Variants in TAF6 observed in about 807,000 individuals in gnomAD.
The protein encoded by TAF6 is TATA-box binding protein associated factor 6, also known as transcription initiation factor TFIID subunit 6.
TAF6 carries 50 observed loss-of-function variants against 73.5 expected under a neutral mutation model. That is an observed-to-expected ratio of 0.68 (90% CI 0.54 to 0.86). The LOEUF (loss-of-function observed/expected upper bound fraction) is 0.86. Among genes scored for constraint, TAF6 ranks in the 40% least tolerant of loss-of-function variants. The pLI is 0.00. For missense variants in TAF6, 768 were observed against 899.5 expected (o/e 0.85, Z 1.87); for synonymous variants, 424 against 376.7 (o/e 1.13, Z -1.45).
intron 13 of TAF6, 72 bp from the exon 14 acceptor site, chr7:100,108,195 G>GCTC: frequency 6.7e-7 from 1 of 1,483,402 alleles, no homozygotes; most frequent in Admixed American, 2.1e-5. Context: ...AGAGGCCTGG[G>GCTC]CTCCCCTCGC....
At position 100,113,926 on chromosome 7, in the gene TAF6, T is replaced by C. The variant is rs764380310; in HGVS notation, c.185A>G (p.Lys62Arg). ...QDALKFMHMG[K>R]RQKLTTSDID... ...GTCACTGGTGGTGAGCTTCTGCCGCTTCCCCATGTGCATGAACTTCAAGGC... is the reference window on the plus strand; with the variant it reads ...GTCACTGGTGGTGAGCTTCTGCCGCCTCCCCATGTGCATGAACTTCAAGGC... Residue 62 changes from lysine to arginine, a missense_variant, in exon 3 of 15, where the codon AAG (lysine) becomes AGG (arginine). Around this residue, in one of 5 missense-constraint regions of TAF6, gnomAD observed 269 missense variants for 268.0 expected, o/e 1.00. Coordinates refer to ENST00000453269, the MANE Select transcript of TAF6 (RefSeq NM_139315.3). 6.2e-7 allele frequency: 1 copy of C among 1,614,002 alleles called. No homozygotes were observed. Among genetic ancestry groups the C allele is most frequent in the Non-Finnish European group, 8.5e-7 (1 of 1,180,022 alleles).
intron 12 of TAF6, 113 bp from the exon 13 acceptor site, chr7:100,108,653 T>G: frequency 5.0e-6 from 6 of 1,204,596 alleles, no homozygotes; most frequent in African/African-American, 1.5e-5. Context: ...AAAAAGGACA[T>G]TCCTTATCAT....
intron 1 of TAF6, chr7:100,115,084 CT>C (rs1797564637): frequency 6.6e-6 from 1 of 152,210 alleles, no homozygotes; most frequent in African/African-American, 2.4e-5. Flanking sequence ...TGGTCTTGAA[CT>C]GCTGGGCTCA....
intron 1 of TAF6, chr7:100,118,823 C>T: frequency 1.0e-6 from 1 of 983,912 alleles, no homozygotes; most frequent in Non-Finnish European, 1.2e-6. Context: ...CATCCCTGAT[C>T]TCCTCCCCGA....
upstream of TAF6, chr7:100,119,663 A>G (rs571625827): frequency 6.2e-6 from 10 of 1,611,536 alleles, no homozygotes; most frequent in African/African-American, 2.7e-5. Flanking sequence ...GGTTGCCGCT[A>G]GCCGCCTGGG....
chr7:100,107,982 G>T lies in TAF6; in HGVS notation c.1600C>A (p.Pro534Thr), dbSNP rs148566323. The T allele has an allele frequency of 6.2e-7, 1 of 1,614,062 alleles. No homozygotes were observed. Among genetic ancestry groups the T allele is most frequent in the Admixed American group, 1.7e-5 (1 of 60,020 alleles). The change falls in exon 14 of 15, where the codon CCT becomes ACT. Residue 534 changes from proline (P) to threonine (T), a missense_variant. Transcript: ENST00000453269. ...RAAAPPQPSP[P>T]PTKFIVMSSS... ...GACATTACAATAAACTTGGTTGGAG[G>T]AGGGGAAGGCTGTGGTGGGGCAGCC...
chr7:100,127,136 A>T, the TAF6 span: 262 of 517,420 alleles, frequency 5.1e-4, 2 homozygotes, highest in African/African-American at 4.9e-3. The surrounding 1 kb of genome is among the most constrained non-coding windows in gnomAD (Gnocchi z 4.6). Context: ...GCAAGGACGT[A>T]CGTACCGCGA....
intron 1 of TAF6, chr7:100,114,615 G>A: frequency 2.0e-6 from 1 of 488,750 alleles, no homozygotes. Flanking sequence ...AGCTACTAGG[G>A]AGACTAAGGC....
At position 100,111,747 on chromosome 7, in the gene TAF6, G is replaced by C; in HGVS notation, c.881C>G (p.Thr294Arg). The change falls in exon 9 of 15, where the codon ACG (threonine) becomes AGG (arginine). Residue 294 changes from threonine to arginine, a missense_variant. Physicochemically the swap from Thr to Arg is moderately conservative, Grantham distance 71. Transcript: ENST00000453269. ...RMVKALMDNP[T>R]LYLEKYVHEL... ...ACTCACGTATTTTTCTAGATAGAGC[G>C]TGGGGTTGTCCATCAGCGCTTTCAC... 1 of 1,614,184 alleles carries C rather than the reference G, an allele frequency of 6.2e-7. No individual in the cohort carries two copies. Among genetic ancestry groups the C allele is most frequent in the Non-Finnish European group, 8.5e-7 (1 of 1,180,022 alleles).
chr7:100,110,164 G>A (rs768622639), intron 11 of TAF6, 36 bp downstream of exon 11: 2 of 1,613,982 alleles, frequency 1.2e-6, no homozygotes, highest in Non-Finnish European at 1.7e-6. Flanking sequence ...TCATGACTGT[G>A]TCCCCTCCCC....
upstream of TAF6, chr7:100,122,239 AC>A: frequency 6.2e-7 from 1 of 1,613,386 alleles, no homozygotes; most frequent in Non-Finnish European, 8.5e-7. Context: ...CTCCCCCCGG[AC>A]GTTTCTCCTC....
intron 6 of TAF6, among the ~76,000 whole-genome samples, 162 bp downstream of exon 6, chr7:100,112,636 A>G (rs1411440858): frequency 6.6e-6 from 1 of 151,800 alleles, no homozygotes; most frequent in Non-Finnish European, 1.5e-5. Context: ...AATCGCTTGA[A>G]CCCTGGAGGT....
chr7:100,107,440 T>C lies in TAF6; in HGVS notation c.1840A>G (p.Thr614Ala), dbSNP rs1796645242. 4 of 1,611,792 alleles carry C rather than the reference T, an allele frequency of 2.5e-6. No individual in the cohort carries two copies. The East Asian group carries it at 8.9e-5, about 36-fold the overall frequency. The change falls in exon 15 of 15, where the codon ACA (threonine) becomes GCA (alanine). Residue 614 changes from threonine (T) to alanine (A), a missense_variant. Physicochemically the swap from Thr to Ala is moderately conservative, Grantham distance 58. This residue lies in a region of TAF6 where 350 missense variants were observed against 352.3 expected (regional missense o/e 0.99). Coordinates refer to ENST00000453269, the MANE Select transcript of TAF6 (RefSeq NM_139315.3). ...QKYIVVSLPP[T>A]GEGKGGPTSH... ...GTGGGGCCTCCTTTGCCCTCCCCTG[T>C]TGGGGGAAGTGAGACCACGATGTAC... is the stretch of plus-strand genomic sequence containing the variant.
At chr7:100,110,114 C>T (rs747610916) in intron 11 of TAF6, 41 bp from the exon 12 acceptor site, 2 of 1,613,820 alleles carry the variant, frequency 1.2e-6, no homozygotes, top group African/African-American at 2.7e-5. Context: ...CGGAGGGTCA[C>T]CAGGGTCTCC....
chr7:100,112,149 T>C lies in TAF6; in HGVS notation c.679A>G (p.Ile227Val). ...SVEQQLYYKE[I>V]TEACVGSCEA... ...CAGGAGCCCACGCAGGCCTCGGTGA[T>C]CTCCTTGTAGTAGAGCTGCTGCTCC... Residue 227 changes from isoleucine (I) to valine (V), a missense_variant, in exon 7 of 15, where the codon ATC (isoleucine) becomes GTC (valine). By Grantham distance (29) the Ile-to-Val change is conservative. Coordinates refer to ENST00000453269, the MANE Select transcript of TAF6 (RefSeq NM_139315.3). 6.2e-7 allele frequency: 1 copy of C among 1,613,984 alleles called. No homozygotes were observed. The highest frequency in any genetic ancestry group is 8.5e-7 in the Non-Finnish European group (1 of 1,179,974).
At chr7:100,115,029 T>G (rs1797559489) in intron 1 of TAF6, among the ~76,000 whole-genome samples, 1 of 152,092 alleles carries the variant, frequency 6.6e-6, no homozygotes, top group East Asian at 1.9e-4. Context: ...GCCAATTTTT[T>G]GCAGGGGCAG....
At position 100,107,501 on chromosome 7, in the gene TAF6, G is replaced by T. The variant is rs1225106801; in HGVS notation, c.1779C>A (p.Pro593=). ...KLVSTATTAP[P]STAPSGPGSV... ...TCCCAGGACCAGAGGGAGCAGTGCT[G>T]GGGGGTGCGGTGGTGGCGGTGGAGA... is the stretch of plus-strand genomic sequence containing the variant. Residue 593 remains proline (P), a synonymous_variant, in exon 15 of 15, where the codon CCC becomes CCA. Coordinates refer to ENST00000453269, the MANE Select transcript of TAF6 (RefSeq NM_139315.3). 5 of 1,614,036 alleles carry T rather than the reference G, an allele frequency of 3.1e-6. No individual in the cohort carries two copies. The highest frequency in any genetic ancestry group is 3.4e-6 in the Non-Finnish European group (4 of 1,179,974).
At chr7:100,119,542 A>G (rs1562936650), upstream of TAF6, 13 of 1,373,998 alleles carry the variant, frequency 9.5e-6, no homozygotes, top group Non-Finnish European at 7.8e-6. Context: ...CCCGGCTGCC[A>G]GGACCTTCAA....
intron 11 of TAF6, 56 bp downstream of exon 11, chr7:100,110,144 C>G (rs749137296): frequency 1.2e-6 from 2 of 1,614,022 alleles, no homozygotes; most frequent in Non-Finnish European, 1.7e-6. Context: ...GTACAGTGCC[C>G]TCTATAACCT....
Sources: allele counts gnomAD v4.1 joint callset (sites outside exome capture counted in the v4.1 genomes callset), GRCh38; gene constraint gnomAD v4.1.1; regional missense constraint gnomAD v4.1.1; non-coding constraint Gnocchi (gnomAD v3.1); transcripts MANE v1.5; gene names NCBI Gene and HGNC (gene_info 2026-07-23, HGNC 2026-07-21).